CTIF: variants seen among roughly 807,000 people sequenced by gnomAD.
The protein encoded by CTIF is CBP80/20-dependent translation initiation factor.
A neutral mutation model predicts 66.0 loss-of-function variants in CTIF; 21 were observed. The observed-to-expected ratio is 0.32, with a 90% CI of 0.23 to 0.46. The LOEUF is 0.46. Ranked by LOEUF, CTIF falls within the 20% of genes least tolerant of loss-of-function variation. The probability of loss-of-function intolerance (pLI) is 1.00; values close to 1 mark genes in which losing one functional copy is unlikely to be tolerated. For synonymous variants in CTIF, 345 were observed against 326.4 expected (o/e 1.06, Z -0.62); for missense variants, 739 against 812.7 (o/e 0.91, Z 1.10).
chr18:48,839,263 C>T (rs1388777846), intron 10 of CTIF, among the ~76,000 whole-genome samples: 1 of 152,162 alleles, frequency 6.6e-6, no homozygotes, highest in African/African-American at 2.4e-5. Flanking sequence ...TTTCTCCCTG[C>T]CTGTGGTGTC....
intron 10 of CTIF, among the ~76,000 whole-genome samples, chr18:48,829,654 G>A (rs2068650566): frequency 6.6e-6 from 1 of 152,214 alleles, no homozygotes; most frequent in South Asian, 2.1e-4. Context: ...CCCACTGCTA[G>A]GCCCTGGGCA....
intron 3 of CTIF, among the ~76,000 whole-genome samples, chr18:48,658,378 A>T (rs1446880225): frequency 1.3e-5 from 2 of 151,830 alleles, no homozygotes; most frequent in Non-Finnish European, 2.9e-5. Flanking sequence ...TGTAGTATAC[A>T]TGTATACCAC....
intron 1 of CTIF, among the ~76,000 whole-genome samples, chr18:48,598,537 G>A (rs144530421): frequency 2.6e-3 from 389 of 152,326 alleles, no homozygotes; most frequent in African/African-American, 8.9e-3. Context: ...TAAGCTCATG[G>A]CAGGTATCAT....
At chr18:48,602,617 T>C (rs2090110321) in intron 1 of CTIF, among the ~76,000 whole-genome samples, 1 of 152,244 alleles carries the variant, frequency 6.6e-6, no homozygotes, top group Non-Finnish European at 1.5e-5. Flanking sequence ...AGCAAGCAGA[T>C]CAAAAATAAC....
Position 48,730,568 on chromosome 18 carries a change from T to C in CTIF, c.584+18873T>C, listed in dbSNP as rs74858648. On this transcript the variant is annotated intron_variant, in intron 7 of 11. Coordinates refer to ENST00000256413, the MANE Select transcript of CTIF (RefSeq NM_014772.3). The stretch of plus-strand genomic sequence containing the variant: ...GGGCTTCTGCTGTGTGAGGGGCTTC[T>C]GCGGTGTGAGGGGCCCCTGTGGTGT... 1.6e-3 allele frequency among the ~76,000 whole-genome samples: 32 copies of C among 19,414 alleles called. 4 individuals are homozygous for C. Among genetic ancestry groups the C allele is most frequent in the Non-Finnish European group, 2.2e-3 (19 of 8,556 alleles). The allele number at this position is 19,414 out of a possible 152,430, so 12.7% of individuals were successfully genotyped here.
chr18:48,840,362 C>T lies in CTIF; in HGVS notation c.1528-17226C>T, dbSNP rs141315839. Among the ~76,000 whole-genome samples, 451 of 151,422 alleles carry T rather than the reference C, an allele frequency of 3.0e-3. 5 individuals are homozygous for T. Among genetic ancestry groups the T allele is most frequent in the Non-Finnish European group, 4.3e-3 (294 of 68,016 alleles). ...AGGCTAAGCCCTCATCCCCATGCAG[C>T]CTGGTCAGTTGAACACAGTGAGAAT... On this transcript the variant is annotated intron_variant, in intron 10 of 11. Transcript: ENST00000256413.
intron 6 of CTIF, among the ~76,000 whole-genome samples, chr18:48,708,764 C>T (rs1280992432): frequency 6.6e-6 from 1 of 152,204 alleles, no homozygotes; most frequent in East Asian, 1.9e-4. Context: ...CTTCTCCATC[C>T]TCCCCCAGCA....
chr18:48,663,516 C>A (rs1366798995), intron 3 of CTIF, among the ~76,000 whole-genome samples: 1 of 152,046 alleles, frequency 6.6e-6, no homozygotes, highest in East Asian at 1.9e-4. Context: ...GGGCCTGGGG[C>A]AGCAGGGGCC....
rs1240828643 is a variant in CTIF at position 48,553,230 on chromosome 18, C to T, written c.-29+13918C>T. Among the ~76,000 whole-genome samples the T allele has an allele frequency of 6.6e-5, 10 of 152,264 alleles. No homozygotes were observed. In the East Asian group the frequency reaches 1.2e-3, roughly 18 times the overall value. ...GGGCTTTGAGTGACGTCCACAAAAG[C>T]GTGTGGGGAGAGGGTTGCTGGTGAA... On this transcript the variant is annotated intron_variant, in intron 1 of 11. Coordinates refer to ENST00000256413, the MANE Select transcript of CTIF (RefSeq NM_014772.3).
At chr18:48,814,103 G>A (rs2068313773) in intron 9 of CTIF, among the ~76,000 whole-genome samples, 1 of 152,222 alleles carries the variant, frequency 6.6e-6, no homozygotes, top group South Asian at 2.1e-4. Flanking sequence ...GAGTCTGGGA[G>A]GAGTCTGCTG....
At chr18:48,855,059 T>A (rs1054744680) in intron 10 of CTIF, among the ~76,000 whole-genome samples, 1 of 152,236 alleles carries the variant, frequency 6.6e-6, no homozygotes, top group Non-Finnish European at 1.5e-5. Flanking sequence ...TGGTCTGTCT[T>A]GTTCTCTGCA....
At chr18:48,797,901 T>G (rs2067963268) in intron 9 of CTIF, among the ~76,000 whole-genome samples, 1 of 152,140 alleles carries the variant, frequency 6.6e-6, no homozygotes, top group Non-Finnish European at 1.5e-5. Flanking sequence ...CCTTGGATGT[T>G]TGCCCAGGAA....
chr18:48,569,005 G>A (rs1038099974), intron 1 of CTIF, among the ~76,000 whole-genome samples: 5 of 152,166 alleles, frequency 3.3e-5, no homozygotes, highest in Non-Finnish European at 5.9e-5. Context: ...TCCTTGGCCT[G>A]CTGATGGTCA....
intron 1 of CTIF, chr18:48,564,897 A>G (rs1277929167): frequency 6.6e-6 from 1 of 152,084 alleles, no homozygotes; most frequent in Non-Finnish European, 1.5e-5. Context: ...GGGATTACAG[A>G]TGTGAGCCAC....
chr18:48,774,385 C>T (rs1404894204), intron 9 of CTIF, among the ~76,000 whole-genome samples: 1 of 152,162 alleles, frequency 6.6e-6, no homozygotes, highest in East Asian at 1.9e-4. Flanking sequence ...GAGTGCCTCA[C>T]TGCCTCCCAC....
intron 10 of CTIF, among the ~76,000 whole-genome samples, chr18:48,848,113 C>T (rs1176028691): frequency 6.6e-6 from 1 of 152,220 alleles, no homozygotes; most frequent in African/African-American, 2.4e-5. Flanking sequence ...TCATTCTTCC[C>T]CCTGTCCCCT....
chr18:48,634,098 A>G (rs1392254597), intron 2 of CTIF, among the ~76,000 whole-genome samples: 2 of 152,024 alleles, frequency 1.3e-5, no homozygotes, highest in Non-Finnish European at 2.9e-5. Flanking sequence ...TTCTTTTACA[A>G]CCTTGACACT....
chr18:48,696,707 G>T (rs879673720), intron 6 of CTIF, among the ~76,000 whole-genome samples: 12 of 152,188 alleles, frequency 7.9e-5, no homozygotes, highest in Non-Finnish European at 1.3e-4. Flanking sequence ...ACGAAAGGTA[G>T]GTATTAGTCT....
intron 1 of CTIF, among the ~76,000 whole-genome samples, chr18:48,584,806 A>G (rs1403728055): frequency 1.3e-5 from 2 of 152,204 alleles, no homozygotes; most frequent in African/African-American, 2.4e-5. Context: ...TCCTTTAGCC[A>G]TCAATGTTTT....
Sources: gnomAD v4.1 joint callset for allele counts (sites outside exome capture counted in the v4.1 genomes callset) on GRCh38, gnomAD v4.1.1 for gene constraint, MANE v1.5 for transcripts, NCBI Gene and HGNC (gene_info 2026-07-23, HGNC 2026-07-21) for gene names.